Variants in NCALD observed in about 807,000 individuals in gnomAD.
NCALD encodes the protein neurocalcin-delta.
NCALD carries 10 observed loss-of-function variants against 18.6 expected under a neutral mutation model. That is an observed-to-expected ratio of 0.54 (90% CI 0.33 to 0.91). The LOEUF is 0.91. NCALD is among the 40% of genes least tolerant of loss of function. NCALD has a pLI of 0.03. For missense variants in NCALD, 184 were observed against 247.6 expected, an observed-to-expected ratio of 0.74 and a Z score of 1.72; for synonymous variants, 88 against 87.4, an observed-to-expected ratio of 1.01 and a Z score of -0.04.
At chr8:101,974,010 T>A (rs7841927) in intron 2 of NCALD, among the ~76,000 whole-genome samples, 1 of 151,962 alleles carries the variant, frequency 6.6e-6, no homozygotes, top group Non-Finnish European at 1.5e-5. Flanking sequence ...CTTGCACTTG[T>A]TCCATTCTTT....
At chr8:101,929,121 T>TATA (rs2131689598) in intron 2 of NCALD, among the ~76,000 whole-genome samples, 2 of 151,296 alleles carry the variant, frequency 1.3e-5, no homozygotes, top group African/African-American at 4.9e-5. Context: ...ATTTAATCCA[T>TATA]CATATACATA....
At chr8:101,742,649 C>T (rs1302351933) in intron 1 of NCALD, among the ~76,000 whole-genome samples, 2 of 151,932 alleles carry the variant, frequency 1.3e-5, no homozygotes, top group Non-Finnish European at 2.9e-5. Flanking sequence ...AACTGATCCT[C>T]ATTAGATTAC....
At chr8:102,035,810 T>G (rs1158277599) in intron 1 of NCALD, among the ~76,000 whole-genome samples, 1 of 152,188 alleles carries the variant, frequency 6.6e-6, no homozygotes, top group Non-Finnish European at 1.5e-5. Flanking sequence ...TTTCTGAAGT[T>G]GCAGAGGCAG....
At chr8:102,057,428 AAAG>A (rs1045170249) in intron 1 of NCALD, among the ~76,000 whole-genome samples, 1 of 152,206 alleles carries the variant, frequency 6.6e-6, no homozygotes, top group African/African-American at 2.4e-5. Context: ...TGAGTATACC[AAAG>A]AAGGTTTGTA....
At chr8:102,066,738 C>T (rs1351984400) in intron 1 of NCALD, among the ~76,000 whole-genome samples, 2 of 152,250 alleles carry the variant, frequency 1.3e-5, no homozygotes, top group Non-Finnish European at 2.9e-5. Flanking sequence ...GGGAAAGCAG[C>T]ATGGGCTTTG....
chr8:101,914,312 G>A (rs1817903598), intron 3 of NCALD, among the ~76,000 whole-genome samples: 1 of 151,952 alleles, frequency 6.6e-6, no homozygotes, highest in African/African-American at 2.4e-5. Context: ...GTATTTTGGG[G>A]AGGAAGATTA....
chr8:102,056,752 C>T (rs986554177), intron 1 of NCALD, among the ~76,000 whole-genome samples: 2 of 152,210 alleles, frequency 1.3e-5, no homozygotes, highest in Non-Finnish European at 2.9e-5. Context: ...AGGCTAAGGC[C>T]GTACACCTAC....
At chr8:102,059,521 G>C (rs138493498) in intron 1 of NCALD, among the ~76,000 whole-genome samples, 1 of 152,154 alleles carries the variant, frequency 6.6e-6, no homozygotes, top group African/African-American at 2.4e-5. Context: ...TCTGAAAGAC[G>C]TCAAGGCAAA....
intron 2 of NCALD, among the ~76,000 whole-genome samples, chr8:101,971,298 C>A (rs1333568188): frequency 6.6e-6 from 1 of 152,088 alleles, no homozygotes; most frequent in Non-Finnish European, 1.5e-5. Flanking sequence ...TTCTCTCAGA[C>A]AGTAAAGGTT....
chr8:101,926,254 T>G (rs1818333117), intron 2 of NCALD, among the ~76,000 whole-genome samples: 2 of 152,240 alleles, frequency 1.3e-5, no homozygotes. Flanking sequence ...TTCCCTTGGT[T>G]CTCAACTTTC....
intron 2 of NCALD, among the ~76,000 whole-genome samples, chr8:102,001,961 ACAT>A (rs1199295790): frequency 2.0e-5 from 3 of 152,186 alleles, no homozygotes; most frequent in African/African-American, 7.2e-5. Context: ...GGAAGAAACT[ACAT>A]CAACTAATGA....
At chr8:101,887,457 G>C (rs976823305) in intron 3 of NCALD, among the ~76,000 whole-genome samples, 1 of 152,130 alleles carries the variant, frequency 6.6e-6, no homozygotes, top group South Asian at 2.1e-4. Context: ...CAAAGAGTAG[G>C]AATCAGCTCT....
intron 4 of NCALD, among the ~76,000 whole-genome samples, chr8:101,857,070 C>A (rs903787530): frequency 6.6e-6 from 1 of 152,166 alleles, no homozygotes; most frequent in African/African-American, 2.4e-5. Flanking sequence ...CAAGTGTCCA[C>A]TAAGTAAATA....
At chr8:101,950,484 A>T (rs1819370990) in intron 2 of NCALD, 1 of 152,242 alleles carries the variant, frequency 6.6e-6, no homozygotes, top group African/African-American at 2.4e-5. Context: ...CCTATGCAGC[A>T]GTATAATAGA....
At chr8:101,821,063 C>T (rs1471846122) in intron 4 of NCALD, among the ~76,000 whole-genome samples, 4 of 152,184 alleles carry the variant, frequency 2.6e-5, no homozygotes, top group African/African-American at 9.7e-5. Context: ...CACGCATATA[C>T]ACAAGATTTG....
chr8:101,897,920 G>A (rs957300735), intron 3 of NCALD, among the ~76,000 whole-genome samples: 2 of 152,250 alleles, frequency 1.3e-5, no homozygotes, highest in Admixed American at 6.5e-5. Context: ...GGAAATAATC[G>A]AATCACAGGG....
At chr8:101,695,660 T>C (rs1264375703) in intron 2 of NCALD, among the ~76,000 whole-genome samples, 2 of 152,126 alleles carry the variant, frequency 1.3e-5, no homozygotes, top group African/African-American at 4.8e-5. Flanking sequence ...TATTGCTATG[T>C]GCAATCTCCC....
chr8:101,995,715 A>G (rs1365663865), intron 2 of NCALD, among the ~76,000 whole-genome samples: 2 of 152,162 alleles, frequency 1.3e-5, no homozygotes, highest in Non-Finnish European at 2.9e-5. Flanking sequence ...TGGGGCTTAC[A>G]TTTCCCAAAC....
intron 2 of NCALD, among the ~76,000 whole-genome samples, chr8:101,709,528 G>A (rs942166224): frequency 5.3e-5 from 8 of 152,198 alleles, no homozygotes; most frequent in African/African-American, 1.9e-4. Context: ...AGAACAGAAG[G>A]GAGGCAAATG....
Sources: gnomAD v4.1 joint callset for allele counts (sites outside exome capture counted in the v4.1 genomes callset) on GRCh38, gnomAD v4.1.1 for gene constraint, MANE v1.5 for transcripts, NCBI Gene and HGNC (gene_info 2026-07-23, HGNC 2026-07-21) for gene names.